XYLB: variants seen among roughly 807,000 people sequenced by gnomAD.
XYLB encodes xylulose kinase.
In XYLB, 62 loss-of-function variants were observed where a neutral mutation model predicts 78.7. The ratio of observed to expected loss-of-function variants is 0.79; its 90% CI spans 0.64 to 0.97. The LOEUF (loss-of-function observed/expected upper bound fraction) is 0.97. XYLB is among the 50% of genes least tolerant of loss of function. The pLI is 0.00. For missense variants in XYLB, 687 were observed against 676.8 expected, an observed-to-expected ratio of 1.02 and a Z score of -0.17; for synonymous variants, 245 against 247.4, an observed-to-expected ratio of 0.99 and a Z score of 0.09.
At chr3:38,400,322 T>G (rs1708069857) in intron 17 of XYLB, among the ~76,000 whole-genome samples, 1 of 152,152 alleles carries the variant, frequency 6.6e-6, no homozygotes, top group East Asian at 1.9e-4. Context: ...CTGAAATATA[T>G]GGGCACAAGT....
chr3:38,451,286 C>T, the XYLB span: 1 of 152,062 alleles, frequency 6.6e-6, no homozygotes, highest in East Asian at 1.9e-4. Flanking sequence ...TTGTGAGAGG[C>T]CTGAAGGTCC....
chr3:38,370,042 C>T lies in XYLB; in HGVS notation c.647-14C>T. On this transcript the variant is annotated splice_polypyrimidine_tract_variant and intron_variant, in intron 8 of 18. Transcript: ENST00000207870. ...TTTCAAGATTGTCTGTTGTTTGTTTCCTTCCTTCCTCAGGTTCTGGAATGA... is the reference window on the plus strand; with the variant it reads ...TTTCAAGATTGTCTGTTGTTTGTTTTCTTCCTTCCTCAGGTTCTGGAATGA... 1 of 1,608,540 alleles carries T rather than the reference C, an allele frequency of 6.2e-7. No individual in the cohort carries two copies. The highest frequency in any genetic ancestry group is 8.5e-7 in the Non-Finnish European group (1 of 1,174,870).
chr3:38,371,342 C>T lies in XYLB; in HGVS notation c.765+1168C>T, dbSNP rs189817475. Among the ~76,000 whole-genome samples the T allele has an allele frequency of 8.2e-3, 1,239 of 151,816 alleles. 15 individuals carry two copies. Among genetic ancestry groups the T allele is most frequent in the African/African-American group, 0.028 (1,163 of 41,402 alleles). On this transcript the variant is annotated intron_variant, in intron 9 of 18. Coordinates refer to ENST00000207870, the MANE Select transcript of XYLB (RefSeq NM_005108.4). ...AGGCTGGAGTGCAGTGGCGCAGTCT[C>T]GGCTCACTGCAAGCTCCGCCTCCTG...
rs544980139 is a variant in XYLB at position 38,360,831 on chromosome 3, C to T, written c.210+423C>T. On this transcript the variant is annotated intron_variant, in intron 3 of 18. Transcript: ENST00000207870. ...GGTGGATCACCTGAGGTCAGGGGTT[C>T]AAGACCAGCCTGGCCAACATGGTGA... is the stretch of plus-strand genomic sequence containing the variant. 2.3e-4 allele frequency among the ~76,000 whole-genome samples: 35 copies of T among 152,238 alleles called. No individual in the cohort carries two copies. The East Asian group carries it at 6.4e-3, about 28-fold the overall frequency.
At chr3:38,376,287 G>A in intron 13 of XYLB, 55 bp downstream of exon 13, 1 of 1,363,574 alleles carries the variant, frequency 7.3e-7, no homozygotes, top group Non-Finnish European at 1.0e-6. Context: ...GCCGACTGGA[G>A]GGGCAGAGCC....
At chr3:38,371,163 G>A (rs1210466695) in intron 9 of XYLB, among the ~76,000 whole-genome samples, 1 of 152,194 alleles carries the variant, frequency 6.6e-6, no homozygotes, top group African/African-American at 2.4e-5. Flanking sequence ...AAGTTGGAGT[G>A]CAGTGGCATG....
At chr3:38,419,604 A>T (rs1231105925), downstream of XYLB, among the ~76,000 whole-genome samples, 7 of 107,286 alleles carry the variant, frequency 6.5e-5, no homozygotes, top group African/African-American at 1.8e-4. Flanking sequence ...ATATATATAT[A>T]ATAGCCATCG....
chr3:38,379,209 A>C, intron 14 of XYLB, 37 bp from the exon 15 acceptor site: 1 of 1,598,054 alleles, frequency 6.3e-7, no homozygotes, highest in Non-Finnish European at 8.6e-7. Flanking sequence ...GGACAATGAG[A>C]GTTCCTTACT....
chr3:38,448,956 CA>C, the XYLB span, among the ~76,000 whole-genome samples: 2 of 152,144 alleles, frequency 1.3e-5, no homozygotes, highest in Non-Finnish European at 2.9e-5. Context: ...CTCGCCCACA[CA>C]GCTTTTGTTG....
chr3:38,363,836 T>C (rs704938), intron 4 of XYLB, among the ~76,000 whole-genome samples: 141,504 of 152,280 alleles, frequency 0.93, 65,827 homozygotes, highest in East Asian at 1. Flanking sequence ...TCTATCTCAT[T>C]CAGTCCCTTG....
chr3:38,420,447 C>T (rs1002649320), exon 18 of XYLB, among the ~76,000 whole-genome samples: 4 of 152,076 alleles, frequency 2.6e-5, no homozygotes, highest in African/African-American at 9.7e-5. Flanking sequence ...AAGAAATTTC[C>T]CTTTCATTTC....
Position 38,360,349 on chromosome 3 carries a change from G to GGT in XYLB, c.154_155dup (p.His53PhefsTer8). On this transcript the variant is annotated frameshift_variant, in exon 3 of 19. Coordinates refer to ENST00000207870, the MANE Select transcript of XYLB (RefSeq NM_005108.4). LOFTEE classifies it high-confidence loss of function. ...CTGTTGTTCTTGCAGGACTCAGGGT[G>GGT]GTGTTCATGTGCACAAGGATGGGCT... 1 of 1,613,880 alleles carries GGT rather than the reference G, an allele frequency of 6.2e-7. No individual in the cohort carries two copies. Among genetic ancestry groups the GGT allele is most frequent in the African/African-American group, 1.3e-5 (1 of 75,032 alleles).
At chr3:38,368,548 CT>C (rs1706382598) in intron 8 of XYLB, among the ~76,000 whole-genome samples, 1 of 152,188 alleles carries the variant, frequency 6.6e-6, no homozygotes, top group Admixed American at 6.5e-5. Context: ...GGCAGTCAAG[CT>C]GGCAGCCGGG....
At chr3:38,375,333 C>T in intron 12 of XYLB, 74 bp downstream of exon 12, 1 of 1,303,022 alleles carries the variant, frequency 7.7e-7, no homozygotes, top group Non-Finnish European at 1.1e-6. Context: ...TCTTGAGGAC[C>T]CCAAGTCATT....
intron 15 of XYLB, among the ~76,000 whole-genome samples, chr3:38,381,565 C>T (rs374178558): frequency 6.6e-6 from 1 of 152,184 alleles, no homozygotes; most frequent in Admixed American, 6.5e-5. Context: ...GGAAAAATAT[C>T]GCTGAATTCT....
At chr3:38,409,636 C>T (rs1261047962) in intron 18 of XYLB, among the ~76,000 whole-genome samples, 1 of 152,148 alleles carries the variant, frequency 6.6e-6, no homozygotes, top group African/African-American at 2.4e-5. Context: ...ATCTAGAAAA[C>T]CCCATTTTCT....
intron 15 of XYLB, among the ~76,000 whole-genome samples, chr3:38,388,169 G>GTTTTTTTTTTTTTTTTTTTT (rs71085320): frequency 1.8e-5 from 2 of 109,342 alleles, no homozygotes; most frequent in Admixed American, 9.8e-5. Context: ...GTTTTTTTTT[G>GTTTTTTTTTTTTTTTTTTTT]TTTTTTTTTT....
At position 38,363,011 on chromosome 3, in the gene XYLB, G is replaced by A. The variant is rs201305869; in HGVS notation, c.285G>A (p.Ala95=). The A allele has an allele frequency of 4.5e-6, 7 of 1,551,166 alleles. No individual in the cohort carries two copies. The highest frequency in any genetic ancestry group is 4.8e-5 in the East Asian group (2 of 41,366). Residue 95 remains alanine (A), a synonymous_variant, in exon 4 of 19, where the codon GCG becomes GCA. Transcript: ENST00000207870. ...CTCAAGTCCTAGCCTTGTCCGGGGC[G>A]GGCCAGGTTCGTTTGCAGCAGACTC... is the stretch of plus-strand genomic sequence containing the variant. ...DFSQVLALSG[A]GQQHGSIYWK... is the part of the protein sequence containing the mutation.
intron 6 of XYLB, 126 bp downstream of exon 6, chr3:38,365,862 T>TCTGGCCC: frequency 7.2e-7 from 1 of 1,390,792 alleles, no homozygotes. Flanking sequence ...CAACAGGCAC[T>TCTGGCCC]CTGGCCCCTG....
Sources: allele counts gnomAD v4.1 joint callset (sites outside exome capture counted in the v4.1 genomes callset), GRCh38; gene constraint gnomAD v4.1.1; transcripts MANE v1.5; gene names NCBI Gene and HGNC (gene_info 2026-07-23, HGNC 2026-07-21).